The following ANKS1B variants were observed in gnomAD, a reference collection of about 807,000 sequenced individuals.
ANKS1B encodes the protein ankyrin repeat and sterile alpha motif domain containing 1B, also known as ankyrin repeat and sterile alpha motif domain-containing protein 1B.
ANKS1B carries 36 observed loss-of-function variants against 148.3 expected under a neutral mutation model. That is an observed-to-expected ratio of 0.24 (90% CI 0.19 to 0.32). The LOEUF (loss-of-function observed/expected upper bound fraction) is 0.32, where lower values mean the gene tolerates loss of function less well. ANKS1B is among the 10% of genes least tolerant of loss of function. ANKS1B has a pLI of 1.00. For synonymous variants in ANKS1B, 542 were observed against 560.8 expected (o/e 0.97, Z 0.47); for missense variants, 1,157 against 1,542.6 (o/e 0.75, Z 4.19).
At chr12:99,782,859 T>C (rs1342594757) in intron 4 of ANKS1B, among the ~76,000 whole-genome samples, 1 of 152,174 alleles carries the variant, frequency 6.6e-6, no homozygotes, top group Non-Finnish European at 1.5e-5. Flanking sequence ...GGTTACCTCC[T>C]GATAAAGCCA....
chr12:98,811,677 T>C (rs1404933561), intron 19 of ANKS1B, among the ~76,000 whole-genome samples: 2 of 152,170 alleles, frequency 1.3e-5, no homozygotes, highest in Non-Finnish European at 2.9e-5. Flanking sequence ...TTCCCTGTCC[T>C]TCTCCAGCAC....
intron 15 of ANKS1B, among the ~76,000 whole-genome samples, chr12:99,136,172 T>G (rs909674064): frequency 1.2e-4 from 18 of 152,180 alleles, no homozygotes; most frequent in Admixed American, 9.8e-4. Flanking sequence ...TGCAAATGGG[T>G]GTAACCATCA....
intron 9 of ANKS1B, among the ~76,000 whole-genome samples, chr12:99,526,600 T>A (rs1221218638): frequency 6.6e-6 from 1 of 152,170 alleles, no homozygotes; most frequent in African/African-American, 2.4e-5. Context: ...ATAGCATCCC[T>A]CTTTAGAAGT....
At chr12:99,630,816 C>G (rs1047871671) in intron 9 of ANKS1B, among the ~76,000 whole-genome samples, 22 of 152,170 alleles carry the variant, frequency 1.4e-4, no homozygotes, top group African/African-American at 5.1e-4. Flanking sequence ...AAGGCTCTCA[C>G]CAGCTCTGGC....
exon 10 of ANKS1B, chr12:98,734,905 T>TAAC (rs1217762966): frequency 1.2e-5 from 4 of 325,668 alleles, no homozygotes; most frequent in African/African-American, 8.5e-5. Context: ...TTATAAAGTA[T>TAAC]AACAACACAC....
At chr12:98,834,090 G>A (rs980516634) in intron 17 of ANKS1B, among the ~76,000 whole-genome samples, 1 of 152,164 alleles carries the variant, frequency 6.6e-6, no homozygotes, top group East Asian at 1.9e-4. Context: ...TGTTGATGAT[G>A]AGGAGGGTAA....
intron 17 of ANKS1B, among the ~76,000 whole-genome samples, chr12:98,840,751 G>A (rs576751764): frequency 6.6e-6 from 1 of 152,254 alleles, no homozygotes; most frequent in South Asian, 2.1e-4. Context: ...TGCTTCAGAA[G>A]ATTAAAAACA....
intron 12 of ANKS1B, among the ~76,000 whole-genome samples, chr12:99,276,567 G>A (rs2077701860): frequency 6.6e-6 from 1 of 152,160 alleles, no homozygotes; most frequent in Admixed American, 6.6e-5. Flanking sequence ...GACTTCAAAA[G>A]AAGCCAACCC....
intron 1 of ANKS1B, among the ~76,000 whole-genome samples, chr12:99,878,597 T>A (rs1603427259): frequency 6.6e-6 from 1 of 152,212 alleles, no homozygotes; most frequent in African/African-American, 2.4e-5. Context: ...AAGTCAAAGG[T>A]TGAACTTCTG....
chr12:99,158,539 C>A (rs1037136185), intron 14 of ANKS1B, among the ~76,000 whole-genome samples: 1 of 152,054 alleles, frequency 6.6e-6, no homozygotes, highest in African/African-American at 2.4e-5. Flanking sequence ...CAGGTCCAAG[C>A]CCCAGTCAAA....
chr12:99,753,092 C>T (rs1601439612), intron 8 of ANKS1B, among the ~76,000 whole-genome samples: 3 of 152,126 alleles, frequency 2.0e-5, no homozygotes, highest in Admixed American at 2.0e-4. Flanking sequence ...AGATACTGTA[C>T]TTTTAAATTC....
At chr12:99,528,005 G>A (rs1411663050) in intron 9 of ANKS1B, among the ~76,000 whole-genome samples, 2 of 151,878 alleles carry the variant, frequency 1.3e-5, no homozygotes, top group African/African-American at 4.8e-5. Flanking sequence ...AAACAGCATG[G>A]TACTGGTGCT....
At chr12:99,151,135 T>C (rs1156272807) in intron 15 of ANKS1B, among the ~76,000 whole-genome samples, 1 of 152,144 alleles carries the variant, frequency 6.6e-6, no homozygotes, top group Non-Finnish European at 1.5e-5. Context: ...GAAAAGTTGT[T>C]TGAAATTTTG....
intron 1 of ANKS1B, among the ~76,000 whole-genome samples, chr12:99,852,456 T>C: frequency 6.6e-6 from 1 of 152,224 alleles, no homozygotes; most frequent in Non-Finnish European, 1.5e-5. Flanking sequence ...GATTGAATAT[T>C]TACTATGCTA....
chr12:99,672,640 C>T (rs903332406), intron 8 of ANKS1B, among the ~76,000 whole-genome samples: 1 of 152,146 alleles, frequency 6.6e-6, no homozygotes, highest in Non-Finnish European at 1.5e-5. Context: ...AGAAACAGAT[C>T]ATTCAGTGGA....
intron 10 of ANKS1B, among the ~76,000 whole-genome samples, chr12:99,445,294 C>A (rs77351025): frequency 0.018 from 2,793 of 152,030 alleles, 73 homozygotes; most frequent in East Asian, 0.054. Flanking sequence ...AACTATGAGT[C>A]AAATATTATG....
intron 1 of ANKS1B, among the ~76,000 whole-genome samples, chr12:99,913,529 A>C (rs1183921904): frequency 6.6e-6 from 1 of 152,212 alleles, no homozygotes; most frequent in East Asian, 1.9e-4. Flanking sequence ...CATCACGCTA[A>C]CAAGAAGTAA....
intron 1 of ANKS1B, among the ~76,000 whole-genome samples, chr12:99,852,874 G>C (rs2088197891): frequency 6.6e-6 from 1 of 152,212 alleles, no homozygotes; most frequent in African/African-American, 2.4e-5. Context: ...TATTGGGAGG[G>C]CACAGTGTGA....
intron 17 of ANKS1B, among the ~76,000 whole-genome samples, chr12:99,034,423 C>T (rs1195861473): frequency 2.6e-5 from 4 of 152,150 alleles, no homozygotes; most frequent in African/African-American, 9.7e-5. Context: ...TTAAGCAATC[C>T]TTCCACCTCA....
Sources: gnomAD v4.1 joint callset for allele counts (sites outside exome capture counted in the v4.1 genomes callset) on GRCh38, gnomAD v4.1.1 for gene constraint, MANE v1.5 for transcripts, NCBI Gene and HGNC (gene_info 2026-07-23, HGNC 2026-07-21) for gene names.